CAMK1D: variants seen among roughly 807,000 people sequenced by gnomAD.
CAMK1D encodes the protein calcium/calmodulin dependent protein kinase ID.
In CAMK1D, 9 loss-of-function variants were observed where a neutral mutation model predicts 47.7. That is an observed-to-expected ratio of 0.19 (90% CI 0.11 to 0.33). CAMK1D has a LOEUF of 0.33. Among genes scored for constraint, CAMK1D ranks in the 10% least tolerant of loss-of-function variants. The pLI is 1.00. For missense variants in CAMK1D, 291 were observed against 488.7 expected (o/e 0.60, Z 3.81); for synonymous variants, 184 against 184.9 (o/e 0.99, Z 0.04).
chr10:12,568,856 ATTCG>A (rs1837227095), intron 2 of CAMK1D, among the ~76,000 whole-genome samples: 1 of 152,184 alleles, frequency 6.6e-6, no homozygotes, highest in Admixed American at 6.5e-5. Flanking sequence ...CCCGGAGGGA[ATTCG>A]TTTTGGGAAT....
chr10:12,580,376 A>G (rs1588656934), intron 2 of CAMK1D, among the ~76,000 whole-genome samples: 1 of 120,778 alleles, frequency 8.3e-6, no homozygotes, highest in Admixed American at 9.3e-5. Flanking sequence ...CTTTAATGGG[A>G]GACTGGAGCC....
chr10:12,564,612 A>AT (rs1190595929), intron 2 of CAMK1D, among the ~76,000 whole-genome samples: 1 of 152,066 alleles, frequency 6.6e-6, no homozygotes, highest in Non-Finnish European at 1.5e-5. Flanking sequence ...GGGGGAATAA[A>AT]TTTTTTCTAA....
At chr10:12,788,275 C>T (rs1036913801) in intron 5 of CAMK1D, among the ~76,000 whole-genome samples, 6 of 152,216 alleles carry the variant, frequency 3.9e-5, no homozygotes, top group Non-Finnish European at 8.8e-5. Context: ...ACTGCAGCCT[C>T]CAACTCTGGG....
intron 3 of CAMK1D, among the ~76,000 whole-genome samples, chr10:12,759,851 T>C (rs988750629): frequency 6.6e-5 from 10 of 152,148 alleles, no homozygotes; most frequent in Admixed American, 2.6e-4. Context: ...TTTTGGAAAA[T>C]GAATCTTATC....
intron 2 of CAMK1D, among the ~76,000 whole-genome samples, chr10:12,558,362 T>C (rs45478797): frequency 0.093 from 14,184 of 152,222 alleles, 755 homozygotes; most frequent in South Asian, 0.15. Flanking sequence ...GAGACCATCC[T>C]GGCCAAGGTG....
At chr10:12,377,493 T>C (rs752515910) in intron 1 of CAMK1D, among the ~76,000 whole-genome samples, 1 of 152,218 alleles carries the variant, frequency 6.6e-6, no homozygotes, top group Non-Finnish European at 1.5e-5. Context: ...TCCCTTAAGA[T>C]TTTTTTGTTT....
intron 1 of CAMK1D, among the ~76,000 whole-genome samples, chr10:12,441,142 T>A (rs973042015): frequency 1.3e-5 from 2 of 152,214 alleles, no homozygotes; most frequent in African/African-American, 4.8e-5. Flanking sequence ...CAGTTTTTCC[T>A]GGGTTGTTTG....
At chr10:12,478,649 T>C (rs923110371) in intron 1 of CAMK1D, among the ~76,000 whole-genome samples, 1 of 152,110 alleles carries the variant, frequency 6.6e-6, no homozygotes, top group Non-Finnish European at 1.5e-5. Context: ...CCAAGGTACT[T>C]GAGGAGTCAG....
intron 3 of CAMK1D, among the ~76,000 whole-genome samples, chr10:12,714,866 C>G (rs1834068642): frequency 6.6e-6 from 1 of 150,504 alleles, no homozygotes; most frequent in African/African-American, 2.5e-5. Context: ...ATGCTTCTAC[C>G]TATTTATGGG....
intron 2 of CAMK1D, among the ~76,000 whole-genome samples, chr10:12,615,009 T>C: frequency 6.6e-6 from 1 of 152,180 alleles, no homozygotes; most frequent in East Asian, 1.9e-4. Context: ...TCAGTGAAGA[T>C]AACGTTGGAG....
intron 2 of CAMK1D, among the ~76,000 whole-genome samples, chr10:12,601,398 G>A (rs985535545): frequency 6.6e-6 from 1 of 152,150 alleles, no homozygotes; most frequent in Non-Finnish European, 1.5e-5. Flanking sequence ...GACCTGGCAC[G>A]TGTGTGGCCT....
intron 2 of CAMK1D, among the ~76,000 whole-genome samples, chr10:12,576,199 C>T (rs1351251559): frequency 1.3e-5 from 2 of 152,118 alleles, no homozygotes; most frequent in African/African-American, 4.8e-5. Flanking sequence ...TTTAAATTTA[C>T]ATAAGATATG....
chr10:12,350,373 A>G (rs1364831736), intron 1 of CAMK1D, among the ~76,000 whole-genome samples: 1 of 152,222 alleles, frequency 6.6e-6, no homozygotes, highest in African/African-American at 2.4e-5. Context: ...TTTCTATGGA[A>G]TTGGCATCTG....
chr10:12,413,067 C>T (rs1310479093), intron 1 of CAMK1D, among the ~76,000 whole-genome samples: 1 of 152,096 alleles, frequency 6.6e-6, no homozygotes, highest in Non-Finnish European at 1.5e-5. Context: ...TAAAGAAATA[C>T]CTGAGACTGG....
intron 3 of CAMK1D, among the ~76,000 whole-genome samples, chr10:12,701,230 A>T (rs1833506256): frequency 2.6e-5 from 4 of 151,782 alleles, no homozygotes; most frequent in Non-Finnish European, 4.4e-5. Context: ...CTTCTGCCTC[A>T]GTCTCCCGAG....
intron 10 of CAMK1D, 75 bp from the exon 11 acceptor site, chr10:12,828,694 T>A: frequency 1.3e-4 from 145 of 1,116,554 alleles, no homozygotes; most frequent in Non-Finnish European, 1.6e-4. Context: ...CCAGCCCCTC[T>A]GACACCTGGC....
chr10:12,463,413 C>T (rs1038136941), intron 1 of CAMK1D, among the ~76,000 whole-genome samples: 2 of 152,184 alleles, frequency 1.3e-5, no homozygotes, highest in African/African-American at 2.4e-5. Flanking sequence ...GTTGGGATTA[C>T]AGGTGTGAGC....
chr10:12,512,362 G>A (rs919780418), intron 1 of CAMK1D, among the ~76,000 whole-genome samples: 1 of 152,136 alleles, frequency 6.6e-6, no homozygotes, highest in African/African-American at 2.4e-5. Context: ...CAAACCCGGA[G>A]TCTCCATCAC....
intron 2 of CAMK1D, among the ~76,000 whole-genome samples, chr10:12,656,771 T>C (rs1271488817): frequency 6.6e-6 from 1 of 152,240 alleles, no homozygotes; most frequent in Non-Finnish European, 1.5e-5. Flanking sequence ...TGAATTCTGC[T>C]CATTTCTTGA....
Sources: allele counts gnomAD v4.1 joint callset (sites outside exome capture counted in the v4.1 genomes callset), GRCh38; gene constraint gnomAD v4.1.1; transcripts MANE v1.5; gene names NCBI Gene and HGNC (gene_info 2026-07-23, HGNC 2026-07-21).